The following ANO1 variants were observed in gnomAD, a reference collection of about 807,000 sequenced individuals.
ANO1 encodes anoctamin-1.
In ANO1, 59 loss-of-function variants were observed where a neutral mutation model predicts 124.0. The observed-to-expected ratio is 0.48, with a 90% CI of 0.39 to 0.59. The LOEUF (loss-of-function observed/expected upper bound fraction) is 0.59. Ranked by LOEUF, ANO1 falls within the 20% of genes least tolerant of loss-of-function variation. ANO1 has a pLI of 0.00. For synonymous variants in ANO1, 529 were observed against 532.0 expected (o/e 0.99, Z 0.08); for missense variants, 1,059 against 1,328.0 (o/e 0.80, Z 3.15).
intron 12 of ANO1, among the ~76,000 whole-genome samples, 199 bp from the exon 13 acceptor site, chr11:70,152,251 C>T (rs528156363): frequency 1.3e-5 from 2 of 149,414 alleles, no homozygotes; most frequent in South Asian, 4.2e-4. Flanking sequence ...AGGAGAATCA[C>T]TTGAACCCGG....
intron 8 of ANO1, among the ~76,000 whole-genome samples, chr11:70,121,316 G>T (rs2046255359): frequency 7.0e-6 from 1 of 142,040 alleles, no homozygotes; most frequent in Non-Finnish European, 1.5e-5. Flanking sequence ...ATCTGCCTCT[G>T]TCTCTGCCTC....
intron 11 of ANO1, among the ~76,000 whole-genome samples, chr11:70,142,600 T>C (rs2047197749): frequency 6.6e-6 from 1 of 152,120 alleles, no homozygotes; most frequent in African/African-American, 2.4e-5. Context: ...TAAGCAAACA[T>C]TGCACTTCTC....
rs59053874 is a variant in ANO1 at position 70,014,001 on chromosome 11, C to CAGAG, written c.58+27851_58+27854dup. Among the ~76,000 whole-genome samples the CAGAG allele has an allele frequency of 0.028, 4,000 of 140,776 alleles. 288 individuals carry two copies. The East Asian group carries it at 0.3, about 11-fold the overall frequency. 92.4% of individuals were successfully genotyped at this position (140,776 alleles called of 152,430 possible). The stretch of plus-strand genomic sequence containing the variant: ...ACTTGGCCTCTTCTCTGTGCACGGA[C>CAGAG]AGAGAGAGAGAGAGAGAGATCTCTG... On this transcript the variant is annotated intron_variant, in intron 1 of 27. Coordinates refer to the ANO1 transcript ENST00000531349.
At chr11:69,975,057 C>T in the ANO1 span, among the ~76,000 whole-genome samples, 5 of 152,182 alleles carry the variant, frequency 3.3e-5, no homozygotes, top group Admixed American at 1.3e-4. Flanking sequence ...TCCCACCCCA[C>T]GCTGCTGCAG....
At chr11:70,176,296 C>T (rs953857265) in intron 22 of ANO1, among the ~76,000 whole-genome samples, 3 of 151,774 alleles carry the variant, frequency 2.0e-5, no homozygotes, top group Non-Finnish European at 2.9e-5. Flanking sequence ...TGCAGGTGTG[C>T]GCCACCAGAT....
At chr11:70,045,824 A>G (rs1372401288) in intron 1 of ANO1, among the ~76,000 whole-genome samples, 1 of 152,254 alleles carries the variant, frequency 6.6e-6, no homozygotes, top group Non-Finnish European at 1.5e-5. Context: ...GAATGGACTC[A>G]TGTTAGAAAA....
At chr11:70,133,566 C>T (rs2046842729) in intron 11 of ANO1, among the ~76,000 whole-genome samples, 1 of 152,204 alleles carries the variant, frequency 6.6e-6, no homozygotes, top group Non-Finnish European at 1.5e-5. Flanking sequence ...CTCCTCCCCT[C>T]TTCATCCTTA....
At chr11:70,182,712 A>G in intron 24 of ANO1, 26 bp downstream of exon 24, 7 of 1,468,778 alleles carry the variant, frequency 4.8e-6, no homozygotes, top group Non-Finnish European at 6.3e-6. Context: ...CCCCTCTTTG[A>G]AAAGCCACGT....
intron 1 of ANO1, among the ~76,000 whole-genome samples, chr11:70,059,388 T>A (rs1857519307): frequency 6.7e-6 from 1 of 149,050 alleles, no homozygotes; most frequent in South Asian, 2.1e-4. Flanking sequence ...ATTGTCAGAT[T>A]GAATAGAAGT....
chr11:70,188,058 T>C lies in ANO1; in HGVS notation c.*54T>C. On this transcript the variant is annotated 3_prime_UTR_variant, in exon 26 of 26. Coordinates refer to ENST00000355303, the MANE Select transcript of ANO1 (RefSeq NM_018043.7). ...CGGGCATCCTGACCGATGGGCACCC[T>C]CTCCCAGGGCAGGCGGCTTCCCGCT... 6.6e-7 allele frequency: 1 copy of C among 1,520,034 alleles called. No homozygotes were observed. The highest frequency in any genetic ancestry group is 8.8e-7 in the Non-Finnish European group (1 of 1,133,610). 94.2% of individuals were successfully genotyped at this position (1,520,034 alleles called of 1,614,324 possible).
At chr11:70,066,240 T>A (rs1857714630) in intron 1 of ANO1, among the ~76,000 whole-genome samples, 1 of 152,114 alleles carries the variant, frequency 6.6e-6, no homozygotes, top group South Asian at 2.1e-4. Flanking sequence ...TAATAAACAG[T>A]GATTACAAGC....
At chr11:70,007,274 T>C (rs1257805766) in intron 1 of ANO1, among the ~76,000 whole-genome samples, 1 of 65,856 alleles carries the variant, frequency 1.5e-5, no homozygotes, top group Non-Finnish European at 3.3e-5. Flanking sequence ...CCTTTCTTTC[T>C]TTTTTTTTTT....
chr11:70,036,915 G>T (rs1391904907), intron 1 of ANO1, among the ~76,000 whole-genome samples: 3 of 152,172 alleles, frequency 2.0e-5, no homozygotes, highest in Non-Finnish European at 4.4e-5. Context: ...CCTGTATGTG[G>T]TTTTTTACAT....
chr11:70,104,238 G>C lies in ANO1; in HGVS notation c.692+88G>C, dbSNP rs1169437114. 89 of 1,408,904 alleles carry C rather than the reference G, an allele frequency of 6.3e-5. 1 individual carries two copies. In the East Asian group the frequency reaches 2.1e-3, roughly 34 times the overall value. 87.3% of individuals were successfully genotyped at this position (1,408,904 alleles called of 1,614,324 possible). A position where few individuals can be genotyped will look rare whatever the true frequency, so the allele number is the denominator to read the frequency against. ...CATGAGAAATGCAGATTGATTATCTGTCCCCCAAAGAAGAGCGTGTTCTTG... is the reference window on the plus strand; with the variant it reads ...CATGAGAAATGCAGATTGATTATCTCTCCCCCAAAGAAGAGCGTGTTCTTG... On this transcript the variant is annotated intron_variant, in intron 4 of 25. Transcript: ENST00000355303.
At chr11:70,086,396 C>T (rs570881115) in intron 1 of ANO1, among the ~76,000 whole-genome samples, 215 of 152,326 alleles carry the variant, frequency 1.4e-3, no homozygotes, top group Admixed American at 2.0e-3. Flanking sequence ...ACAAACTGCT[C>T]CATACTGCTA....
chr11:70,057,703 G>A lies in ANO1; in HGVS notation c.59-20839G>A, dbSNP rs193194774. 1.2e-4 allele frequency among the ~76,000 whole-genome samples: 18 copies of A among 152,184 alleles called. No homozygotes were observed. In the East Asian group the frequency reaches 3.5e-3, roughly 29 times the overall value. ...TCACAAGGTCGATTGATTGGTTGGG[G>A]CGGGGCAGGAACAAATCACAATGGT... On this transcript the variant is annotated intron_variant, in intron 1 of 27. Transcript: ENST00000531349.
chr11:70,098,459 T>A (rs181567276), intron 2 of ANO1, among the ~76,000 whole-genome samples: 3 of 152,308 alleles, frequency 2.0e-5, no homozygotes, highest in African/African-American at 7.2e-5. Context: ...CGGGAGGTGC[T>A]GTCTGGGGAG....
At position 70,188,237 on chromosome 11, in the gene ANO1, A is replaced by C; in HGVS notation, c.*233A>C. 3 of 580,566 alleles carry C rather than the reference A, an allele frequency of 5.2e-6. No homozygotes were observed. The highest frequency in any genetic ancestry group is 9.0e-6 in the Non-Finnish European group (3 of 333,620). The allele number at this position is 580,566 out of a possible 1,614,324, so 36.0% of individuals were successfully genotyped here. A position where few individuals can be genotyped will look rare whatever the true frequency, so the allele number is the denominator to read the frequency against. ...TTTTTAATCTGTAGTATTCAAGATG[A>C]ATCAAAATGATGGCTGGTAATACGG... is the stretch of plus-strand genomic sequence containing the variant. On this transcript the variant is annotated 3_prime_UTR_variant, in exon 26 of 26. Transcript: ENST00000355303.
At chr11:70,000,561 G>A (rs7129991) in intron 1 of ANO1, among the ~76,000 whole-genome samples, 113,226 of 150,072 alleles carry the variant, frequency 0.75, 42,857 homozygotes, top group East Asian at 0.91. Flanking sequence ...CTTGCCTACT[G>A]CTCATGGGTG....
Sources: allele counts gnomAD v4.1 joint callset (sites outside exome capture counted in the v4.1 genomes callset), GRCh38; gene constraint gnomAD v4.1.1; transcripts MANE v1.5; gene names NCBI Gene and HGNC (gene_info 2026-07-23, HGNC 2026-07-21).